GALNT13: variants seen among roughly 807,000 people sequenced by gnomAD.
GALNT13 encodes polypeptide N-acetylgalactosaminyltransferase 13, also known as UDP-GalNAc:polypeptide N-acetylgalactosaminyltransferase 13.
In GALNT13, 28 loss-of-function variants were observed where a neutral mutation model predicts 64.2. That is an observed-to-expected ratio of 0.44 (90% CI 0.32 to 0.60). GALNT13 has a LOEUF of 0.60. GALNT13 is among the 20% of genes least tolerant of loss of function. GALNT13 has a pLI of 0.05. For missense variants in GALNT13, 577 were observed against 669.8 expected, an observed-to-expected ratio of 0.86 and a Z score of 1.53; for synonymous variants, 214 against 224.6, an observed-to-expected ratio of 0.95 and a Z score of 0.42.
chr2:154,341,133 C>T (rs985852757), intron 9 of GALNT13, among the ~76,000 whole-genome samples: 1 of 152,078 alleles, frequency 6.6e-6, no homozygotes, highest in Non-Finnish European at 1.5e-5. Context: ...AAAGTCTGCA[C>T]TAGCTTTTTT....
the GALNT13 span, among the ~76,000 whole-genome samples, chr2:153,679,404 A>G: frequency 2.0e-5 from 3 of 151,984 alleles, no homozygotes; most frequent in Non-Finnish European, 2.9e-5. Flanking sequence ...TCCTCTGTCT[A>G]TATAATTCAC....
chr2:153,254,634 C>A, the GALNT13 span, among the ~76,000 whole-genome samples: 1 of 152,040 alleles, frequency 6.6e-6, no homozygotes, highest in Non-Finnish European at 1.5e-5. Context: ...CCACACACTG[C>A]TTTGGATGTG....
At chr2:153,506,975 A>G in the GALNT13 span, among the ~76,000 whole-genome samples, 4 of 152,212 alleles carry the variant, frequency 2.6e-5, no homozygotes, top group Non-Finnish European at 5.9e-5. Context: ...GGGAACATCA[A>G]TCATTCTTAG....
the GALNT13 span, among the ~76,000 whole-genome samples, chr2:153,559,919 C>A: frequency 6.6e-6 from 1 of 152,090 alleles, no homozygotes; most frequent in East Asian, 1.9e-4. Flanking sequence ...TTCTAGCACA[C>A]GTTAATAGTA....
In GALNT13 at chr2:154,221,124, G is replaced by A. The variant is rs1411383319; in HGVS notation, c.312-20906G>A. ...TCTTTCCACCTGCCAGAATATTCTA[G>A]TAATAAAATGCACAAATTAGTATTG... On this transcript the variant is annotated intron_variant, in intron 4 of 12. Coordinates refer to ENST00000392825, the MANE Select transcript of GALNT13 (RefSeq NM_052917.4). Among the ~76,000 whole-genome samples, 6 of 152,060 alleles carry A rather than the reference G, an allele frequency of 3.9e-5. No individual in the cohort carries two copies. In the East Asian group the frequency reaches 7.7e-4, roughly 20 times the overall value.
At chr2:154,199,370 T>C (rs1233006490) in intron 4 of GALNT13, among the ~76,000 whole-genome samples, 1 of 152,064 alleles carries the variant, frequency 6.6e-6, no homozygotes, top group African/African-American at 2.4e-5. Flanking sequence ...AGGTTTAGTA[T>C]TCCTTGAAAT....
chr2:153,105,207 G>C, the GALNT13 span, among the ~76,000 whole-genome samples: 19 of 151,710 alleles, frequency 1.3e-4, no homozygotes, highest in Middle Eastern at 3.4e-3. Flanking sequence ...GGGATGCAAG[G>C]CTGGTTCAAC....
chr2:154,110,931 C>A (rs1702950539), intron 3 of GALNT13, among the ~76,000 whole-genome samples: 1 of 152,090 alleles, frequency 6.6e-6, no homozygotes, highest in South Asian at 2.1e-4. Context: ...ATCCGGAACC[C>A]AAATACTATT....
chr2:154,292,533 T>G (rs542370202), intron 8 of GALNT13, among the ~76,000 whole-genome samples: 1 of 152,194 alleles, frequency 6.6e-6, no homozygotes, highest in Non-Finnish European at 1.5e-5. Context: ...TGGGCTAGAT[T>G]CTTCTAGTTT....
intron 9 of GALNT13, among the ~76,000 whole-genome samples, chr2:154,388,850 G>T (rs1428211708): frequency 6.6e-6 from 1 of 152,000 alleles, no homozygotes; most frequent in Non-Finnish European, 1.5e-5. Context: ...GTATATACTG[G>T]TCTACTCCTG....
At chr2:154,183,895 T>A (rs1412240265) in intron 4 of GALNT13, among the ~76,000 whole-genome samples, 1 of 152,116 alleles carries the variant, frequency 6.6e-6, no homozygotes, top group Non-Finnish European at 1.5e-5. Flanking sequence ...CTTTTTCTAG[T>A]TCTTTGAAAT....
At chr2:153,222,315 G>GGGGGT in the GALNT13 span, among the ~76,000 whole-genome samples, 2 of 141,264 alleles carry the variant, frequency 1.4e-5, no homozygotes, top group African/African-American at 5.5e-5. Context: ...GCTGGGGGGG[G>GGGGGT]GGGGGGGGGG....
the GALNT13 span, among the ~76,000 whole-genome samples, chr2:153,853,881 A>G: frequency 6.6e-6 from 1 of 152,020 alleles, no homozygotes; most frequent in East Asian, 1.9e-4. Flanking sequence ...AAAAAGAGTT[A>G]TAAGAGAGGA....
At chr2:153,231,808 A>G in the GALNT13 span, among the ~76,000 whole-genome samples, 1 of 152,130 alleles carries the variant, frequency 6.6e-6, no homozygotes, top group African/African-American at 2.4e-5. Flanking sequence ...AGCTGGGGAT[A>G]AAAGGAAAAT....
chr2:153,264,387 C>G, the GALNT13 span, among the ~76,000 whole-genome samples: 5 of 152,172 alleles, frequency 3.3e-5, no homozygotes, highest in Admixed American at 1.3e-4. Flanking sequence ...GGCAATTCCT[C>G]AAAGACCTAG....
At chr2:153,763,782 C>T in the GALNT13 span, among the ~76,000 whole-genome samples, 2 of 152,124 alleles carry the variant, frequency 1.3e-5, no homozygotes, top group African/African-American at 2.4e-5. Flanking sequence ...GGTTGGAATA[C>T]ATCAGAGGGC....
At chr2:154,000,589 A>G (rs1397335906) in intron 3 of GALNT13, among the ~76,000 whole-genome samples, 1 of 152,014 alleles carries the variant, frequency 6.6e-6, no homozygotes, top group Admixed American at 6.6e-5. Flanking sequence ...TCTACGTATT[A>G]GAGTTTCTAA....
chr2:154,286,388 G>A (rs776741012), intron 8 of GALNT13, among the ~76,000 whole-genome samples: 7 of 152,070 alleles, frequency 4.6e-5, no homozygotes, highest in Non-Finnish European at 7.4e-5. Flanking sequence ...AACATAAAGC[G>A]ATATTGAATT....
the GALNT13 span, among the ~76,000 whole-genome samples, chr2:153,738,009 G>A: frequency 6.6e-6 from 1 of 151,894 alleles, no homozygotes; most frequent in South Asian, 2.1e-4. Context: ...TATATCTAAT[G>A]TTAACCTTTC....
Sources: allele counts gnomAD v4.1 joint callset (sites outside exome capture counted in the v4.1 genomes callset), GRCh38; gene constraint gnomAD v4.1.1; transcripts MANE v1.5; gene names NCBI Gene and HGNC (gene_info 2026-07-23, HGNC 2026-07-21).